The following ENAM variants were observed in gnomAD, a reference collection of about 807,000 sequenced individuals.
ENAM encodes the protein enamelin, also known as amelogenesis imperfecta 2, hypocalcification (autosomal dominant).
ENAM carries 21 observed loss-of-function variants against 33.6 expected under a neutral mutation model. The ratio of observed to expected loss-of-function variants is 0.63; its 90% CI spans 0.44 to 0.90. The LOEUF is 0.90. Ranked by LOEUF, ENAM falls within the 40% of genes least tolerant of loss-of-function variation. The pLI, the probability that ENAM is intolerant of heterozygous loss-of-function variation, is 0.00. For synonymous variants in ENAM, 473 were observed against 468.4 expected (o/e 1.01, Z -0.13); for missense variants, 1,388 against 1,366.9 (o/e 1.02, Z -0.24).
chr4:70,642,920 A>AG lies in ENAM; in HGVS notation c.1496dup (p.Asp500ArgfsTer9). The AG allele has an allele frequency of 1.9e-6, 3 of 1,614,124 alleles. No homozygotes were observed. Among genetic ancestry groups the AG allele is most frequent in the Non-Finnish European group, 2.5e-6 (3 of 1,180,024 alleles). The stretch of plus-strand genomic sequence containing the variant: ...AACATGAAAACTCCTATTACCCAAG[A>AG]GGAGATTCCAGAAAAGTCCCAAATT... On this transcript the variant is annotated frameshift_variant, in exon 9 of 9. Transcript: ENST00000396073. LOFTEE classifies it low-confidence loss of function (END_TRUNC).
intron 8 of ENAM, among the ~76,000 whole-genome samples, chr4:70,639,031 A>G (rs1200689980): frequency 6.6e-6 from 1 of 152,010 alleles, no homozygotes; most frequent in African/African-American, 2.4e-5. Flanking sequence ...TCCTGGCCTC[A>G]AGTGATCCAG....
rs758546918 is a variant in ENAM at position 70,629,554 on chromosome 4, G to A, written c.54G>A (p.Leu18=). The A allele has an allele frequency of 1.2e-6, 2 of 1,610,396 alleles. No homozygotes were observed. Among genetic ancestry groups the A allele is most frequent in the Non-Finnish European group, 1.7e-6 (2 of 1,176,884 alleles). Residue 18 remains leucine, a splice_region_variant and synonymous_variant, in exon 2 of 9, where the codon TTG becomes TTA. Transcript: ENST00000396073. ...LGTSFPKLDN[L]VPKGKMKILL... is the part of the protein sequence containing the mutation. ...CCTCTTTTCCTAAACTAGATAACTT[G>A]GTGAGTACTTTCATTTATTTTTGCC...
Position 70,645,358 on chromosome 4 carries a change from C to G in ENAM, c.*503C>G, listed in dbSNP as rs1391135412. 1 of 164,178 alleles carries G rather than the reference C, an allele frequency of 6.1e-6. No homozygotes were observed. The highest frequency in any genetic ancestry group is 1.8e-4 in the South Asian group (1 of 5,458). The allele number at this position is 164,178 out of a possible 1,614,324, so 10.2% of individuals were successfully genotyped here. A position where few individuals can be genotyped will look rare whatever the true frequency, so the allele number is the denominator to read the frequency against. On this transcript the variant is annotated 3_prime_UTR_variant, in exon 9 of 9. Coordinates refer to ENST00000396073, the MANE Select transcript of ENAM (RefSeq NM_031889.3). ...GCATTTTTTTTCTTCCACTGCCACT[C>G]TCTTTACCTTTATCATTTCTTTTTC...
rs1738743161 is a variant in ENAM, at chr4:70,645,686, T to C, written c.*831T>C. On this transcript the variant is annotated 3_prime_UTR_variant, in exon 9 of 9. Coordinates refer to ENST00000396073, the MANE Select transcript of ENAM (RefSeq NM_031889.3). ...AAGACTGCATGTCACTCTCTTCCTT[T>C]TTGTATCCACTCTCCAAATCGTACC... 6.6e-6 allele frequency: 1 copy of C among 152,314 alleles called. No individual in the cohort carries two copies. Among genetic ancestry groups the C allele is most frequent in the South Asian group, 2.1e-4 (1 of 4,830 alleles). 9.4% of individuals were successfully genotyped at this position (152,314 alleles called of 1,614,324 possible).
intron 8 of ENAM, among the ~76,000 whole-genome samples, chr4:70,641,063 T>C (rs1284028997): frequency 6.6e-6 from 1 of 152,200 alleles, no homozygotes; most frequent in Non-Finnish European, 1.5e-5. Flanking sequence ...TTAGATTTTA[T>C]AGGACCTGAT....
In ENAM at chr4:70,635,594, TG is replaced by T. The variant is rs200970778; in HGVS notation, c.472-236del. 3.3e-3 allele frequency among the ~76,000 whole-genome samples: 500 copies of T among 152,280 alleles called. 2 individuals are homozygous for T. The highest frequency in any genetic ancestry group is 0.011 in the African/African-American group (464 of 41,556). On this transcript the variant is annotated intron_variant, in intron 6 of 8. Coordinates refer to ENST00000396073, the MANE Select transcript of ENAM (RefSeq NM_031889.3). ...GAATAGTAATAGTTTATATCTTCTATGGTTATATGAGGATGAAATGAGTTTA... is the reference window on the plus strand; with the variant it reads ...GAATAGTAATAGTTTATATCTTCTATGTTATATGAGGATGAAATGAGTTTA...
At chr4:70,640,366 G>A (rs1048270520) in intron 8 of ENAM, among the ~76,000 whole-genome samples, 125 of 152,280 alleles carry the variant, frequency 8.2e-4, no homozygotes, top group African/African-American at 2.9e-3. Flanking sequence ...GAGCTCTGAA[G>A]GATGAGTCAA....
intron 7 of ENAM, 112 bp downstream of exon 7, chr4:70,636,006 G>A (rs576593011): frequency 1.7e-6 from 1 of 584,140 alleles, no homozygotes; most frequent in East Asian, 3.1e-5. Flanking sequence ...CCAATCAGTA[G>A]ATGGTATGAA....
In ENAM at chr4:70,642,744, C is replaced by T. The variant is rs868320691; in HGVS notation, c.1318C>T (p.Pro440Ser). Residue 440 changes from proline to serine, a missense_variant, in exon 9 of 9, where the codon CCC becomes TCC. Transcript: ENST00000396073. ...NEKIQNPKEK[P>S]LGPKEQIIVP... Reference sequence around the variant, plus strand: ...AAAAATCCAAAATCCAAAGGAGAAGCCCCTGGGTCCAAAAGAACAAATAAT... The same window carrying T: ...AAAAATCCAAAATCCAAAGGAGAAGTCCCTGGGTCCAAAAGAACAAATAAT... 6.2e-7 allele frequency: 1 copy of T among 1,608,672 alleles called. No homozygotes were observed. The highest frequency in any genetic ancestry group is 8.5e-7 in the Non-Finnish European group (1 of 1,178,224).
rs1403813295 is a variant in ENAM, at chr4:70,643,678, C to G, written c.2252C>G (p.Ala751Gly). 2 of 1,614,058 alleles carry G rather than the reference C, an allele frequency of 1.2e-6. No homozygotes were observed. Among genetic ancestry groups the G allele is most frequent in the Non-Finnish European group, 1.7e-6 (2 of 1,179,976 alleles). ...IESRGYYVNN[A>G]AGPEESTLFP... ...AGCAGGGGCTACTACGTTAATAATG[C>G]CGCTGGACCAGAAGAAAGCACTCTA... The change falls in exon 9 of 9, where the codon GCC becomes GGC. Residue 751 changes from alanine (A) to glycine (G), a missense_variant. Coordinates refer to ENST00000396073, the MANE Select transcript of ENAM (RefSeq NM_031889.3).
chr4:70,637,978 T>C, intron 8 of ENAM, 135 bp downstream of exon 8: 1 of 714,110 alleles, frequency 1.4e-6, no homozygotes. Flanking sequence ...TTTTAGAAAA[T>C]AAAAAAGTTA....
chr4:70,644,891 A>G lies in ENAM; in HGVS notation c.*36A>G, dbSNP rs376428979. On this transcript the variant is annotated 3_prime_UTR_variant, in exon 9 of 9. Transcript: ENST00000396073. ...ACCAAGCATTCTTGGGGAAAGAGAA[A>G]TCACTGACATTCTATACCAATGGTT... 33 of 1,568,792 alleles carry G rather than the reference A, an allele frequency of 2.1e-5. No individual in the cohort carries two copies. Among genetic ancestry groups the G allele is most frequent in the Non-Finnish European group, 2.7e-5 (31 of 1,139,314 alleles).
intron 7 of ENAM, among the ~76,000 whole-genome samples, chr4:70,636,944 A>G (rs1260297264): frequency 3.3e-5 from 5 of 152,256 alleles, no homozygotes; most frequent in Admixed American, 3.3e-4. Flanking sequence ...AGTTGCTGCT[A>G]AACAAACAAA....
chr4:70,644,317 T>G lies in ENAM; in HGVS notation c.2891T>G (p.Leu964Arg). 1.9e-6 allele frequency: 3 copies of G among 1,614,214 alleles called. 1 individual carries two copies. The South Asian group carries it at 3.3e-5, about 18-fold the overall frequency. ...ACACCATGTTCTATAAAGAATCAAC[T>G]GGGCCAAAAGGAAATTATGCCCTTT... ...RNTPCSIKNQ[L>R]GQKEIMPFPE... is the part of the protein sequence containing the mutation. The change falls in exon 9 of 9, where the codon CTG becomes CGG. Residue 964 changes from leucine (L) to arginine (R), a missense_variant. Transcript: ENST00000396073.
rs1348428125 is a variant in ENAM at position 70,644,817 on chromosome 4, C to G, written c.3391C>G (p.Gln1131Glu). ...ATTCCTTCAAAGAGGGACCAATGTA[C>G]AGGACCAGGTACAAGACTGCTTACT... is the stretch of plus-strand genomic sequence containing the variant. Reference protein sequence around the residue: ...FEFLQRGTNVQDQVQDCLLLQ... With the variant: ...FEFLQRGTNVEDQVQDCLLLQ... The change falls in exon 9 of 9, where the codon CAG (glutamine) becomes GAG (glutamate). Residue 1131 changes from glutamine to glutamate, a missense_variant. Physicochemically the swap from Gln to Glu is conservative, Grantham distance 29. Coordinates refer to ENST00000396073, the MANE Select transcript of ENAM (RefSeq NM_031889.3). 1 of 1,614,110 alleles carries G rather than the reference C, an allele frequency of 6.2e-7. No homozygotes were observed. Among genetic ancestry groups the G allele is most frequent in the South Asian group, 1.1e-5 (1 of 91,084 alleles).
Position 70,643,242 on chromosome 4 carries a change from T to C in ENAM, c.1816T>C (p.Tyr606His). Residue 606 changes from tyrosine (Y) to histidine (H), a missense_variant, in exon 9 of 9, where the codon TAT becomes CAT. Physicochemically the swap from Tyr to His is moderately conservative, Grantham distance 83 (BLOSUM62 2). Transcript: ENST00000396073. ...TGTTTTCTACCCTGAATATAACCCA[T>C]ATGATCCCAGGGAAAACTCACCATA... ...GSVFYPEYNP[Y>H]DPRENSPYLR... 1 of 1,613,836 alleles carries C rather than the reference T, an allele frequency of 6.2e-7. No individual in the cohort carries two copies. Among genetic ancestry groups the C allele is most frequent in the Non-Finnish European group, 8.5e-7 (1 of 1,179,976 alleles).
chr4:70,635,054 C>G (rs1738416617), intron 6 of ENAM, among the ~76,000 whole-genome samples: 1 of 152,148 alleles, frequency 6.6e-6, no homozygotes, highest in Non-Finnish European at 1.5e-5. Context: ...TTCTCAAGAT[C>G]TCATCCAGTG....
In ENAM at chr4:70,635,883, C is replaced by A; in HGVS notation, c.523C>A (p.Gln175Lys). The change falls in exon 7 of 9, where the codon CAA becomes AAA. Residue 175 changes from glutamine to lysine, a missense_variant. Coordinates refer to ENST00000396073, the MANE Select transcript of ENAM (RefSeq NM_031889.3). ...ATTCCCCTATCAACAACCACCATGG[C>A]AAATTCCACAGGTGAGAAATTTTTT... The part of the protein sequence containing the change: ...GLFPYQQPPW[Q>K]IPQRLPPPGY... 1.2e-6 allele frequency: 2 copies of A among 1,602,594 alleles called. No homozygotes were observed. Among genetic ancestry groups the A allele is most frequent in the East Asian group, 2.2e-5 (1 of 44,714 alleles).
chr4:70,632,687 C>G lies in ENAM; in HGVS notation c.205C>G (p.Pro69Ala). The change falls in exon 5 of 9, where the codon CCA (proline) becomes GCA (alanine). Residue 69 changes from proline to alanine, a missense_variant. Transcript: ENST00000396073. ...TAATCAATTCAACTTTATGAACGGC[C>G]CACATGTAAGTTTTTCTTTATGTTA... ...RYNQFNFMNG[P>A]HMAHLGPFFG... The G allele has an allele frequency of 6.3e-7, 1 of 1,598,250 alleles. No homozygotes were observed. Among genetic ancestry groups the G allele is most frequent in the Non-Finnish European group, 8.6e-7 (1 of 1,165,942 alleles).
Sources: allele counts gnomAD v4.1 joint callset (sites outside exome capture counted in the v4.1 genomes callset), GRCh38; gene constraint gnomAD v4.1.1; transcripts MANE v1.5; gene names NCBI Gene and HGNC (gene_info 2026-07-23, HGNC 2026-07-21).